The following MYH15 variants were observed in gnomAD, a reference collection of about 807,000 sequenced individuals.
MYH15 encodes the protein myosin-15.
A neutral mutation model predicts 240.5 loss-of-function variants in MYH15; 227 were observed. The ratio of observed to expected loss-of-function variants is 0.94; its 90% confidence interval spans 0.85 to 1.05. MYH15 has a LOEUF of 1.05. Ranked by LOEUF, MYH15 falls within the 50% of genes least tolerant of loss-of-function variation. The probability of loss-of-function intolerance (pLI) is 0.00; values close to 1 mark genes in which losing one functional copy is unlikely to be tolerated. For missense variants in MYH15, 2,217 were observed against 2,247.5 expected (o/e 0.99, Z 0.27); for synonymous variants, 785 against 796.7 (o/e 0.99, Z 0.25).
At chr3:108,436,820 A>T (rs577681384) in intron 25 of MYH15, among the ~76,000 whole-genome samples, 1 of 151,982 alleles carries the variant, frequency 6.6e-6, no homozygotes, top group South Asian at 2.1e-4. Context: ...CTTCATCCTC[A>T]CTGTTTTCTT....
chr3:108,499,485 A>G lies in MYH15; in HGVS notation c.497-3T>C, dbSNP rs768462340. 6.2e-6 allele frequency: 10 copies of G among 1,612,918 alleles called. No individual in the cohort carries two copies. The highest frequency in any genetic ancestry group is 5.0e-5 in the Admixed American group (3 of 59,900). On this transcript the variant is annotated splice_region_variant and splice_polypyrimidine_tract_variant and intron_variant, in intron 4 of 40. Transcript: ENST00000693548. Reference sequence around the variant, plus strand: ...GAGTATAGACTGATTTTCTCGATCTACAAAAGAAAGAAAAATGCCAGAATA... The same window carrying G: ...GAGTATAGACTGATTTTCTCGATCTGCAAAAGAAAGAAAAATGCCAGAATA...
intron 11 of MYH15, among the ~76,000 whole-genome samples, chr3:108,478,184 T>C (rs2083236693): frequency 6.6e-6 from 1 of 152,224 alleles, no homozygotes. Flanking sequence ...CTATCTCGTC[T>C]GTATTAGCAA....
In MYH15 at chr3:108,421,151, C is replaced by T; in HGVS notation, c.3766G>A (p.Asp1256Asn). The change falls in exon 28 of 41, where the codon GAT becomes AAT. Residue 1256 changes from aspartate (D) to asparagine (N), a missense_variant. Transcript: ENST00000693548. The stretch of plus-strand genomic sequence containing the variant: ...TCATTTGCCAACTGAGTCACCTTAT[C>T]TAGCTTTGCAGTTGCTTCATGCAAG... ...ERLHEATAKL[D>N]KVTQLANDLA... 3.1e-6 allele frequency: 5 copies of T among 1,614,144 alleles called. No individual in the cohort carries two copies. The highest frequency in any genetic ancestry group is 4.2e-6 in the Non-Finnish European group (5 of 1,180,006).
intron 14 of MYH15, 23 bp downstream of exon 14, chr3:108,470,019 A>G: frequency 1.3e-6 from 2 of 1,586,904 alleles, no homozygotes; most frequent in African/African-American, 1.4e-5. Context: ...ATGAAAATGG[A>G]CAAAGAGAAA....
chr3:108,400,281 C>A (rs1479546651), intron 33 of MYH15, among the ~76,000 whole-genome samples: 1 of 152,150 alleles, frequency 6.6e-6, no homozygotes, highest in Non-Finnish European at 1.5e-5. Flanking sequence ...AAATAAACTT[C>A]TATTTGTTTT....
chr3:108,510,385 T>C (rs2083512542), intron 1 of MYH15, 58 bp downstream of exon 1: 1 of 1,556,692 alleles, frequency 6.4e-7, no homozygotes, highest in Non-Finnish European at 8.7e-7. Flanking sequence ...TCAAATATCT[T>C]AGTCACCATC....
chr3:108,458,500 A>G (rs2083043166), intron 18 of MYH15, among the ~76,000 whole-genome samples: 1 of 152,202 alleles, frequency 6.6e-6, no homozygotes, highest in Non-Finnish European at 1.5e-5. Context: ...GGAGGTTAAT[A>G]AAAATGCAAG....
At chr3:108,459,276 C>T in intron 18 of MYH15, 86 bp downstream of exon 18, 2 of 841,022 alleles carry the variant, frequency 2.4e-6, no homozygotes, top group Non-Finnish European at 3.6e-6. Context: ...TAAAAGGCAC[C>T]AATAAATATT....
chr3:108,477,823 T>C (rs1030308647), intron 11 of MYH15, among the ~76,000 whole-genome samples: 6 of 152,240 alleles, frequency 3.9e-5, no homozygotes, highest in African/African-American at 1.4e-4. Flanking sequence ...AAGTGGAGAA[T>C]AAGTATTATC....
chr3:108,391,867 T>A lies in MYH15; in HGVS notation c.5323A>T (p.Arg1775Ter). ...GTAATTGTCTGCTCCATATTTTCTC[T>A]TGTCCTTTCCAAGTGGGCAATGGTG... ...QDTIAHLERTRENMEQTITDL... is the reference protein window; with the variant it reads ...QDTIAHLERT Residue 1775 changes from arginine to a stop codon, truncating the protein, a stop_gained, in exon 37 of 41, where the codon AGA becomes TGA. Coordinates refer to ENST00000693548, the MANE Select transcript of MYH15 (RefSeq NM_014981.3). LOFTEE classifies it high-confidence loss of function. 3 of 1,614,162 alleles carry A rather than the reference T, an allele frequency of 1.9e-6. No homozygotes were observed. Among genetic ancestry groups the A allele is most frequent in the Non-Finnish European group, 2.5e-6 (3 of 1,180,008 alleles).
intron 35 of MYH15, 77 bp downstream of exon 35, chr3:108,398,555 ATGGTC>A: frequency 7.3e-7 from 1 of 1,366,598 alleles, no homozygotes; most frequent in Non-Finnish European, 1.0e-6. Flanking sequence ...GCGACTGTGC[ATGGTC>A]CAAGGCCGCC....
chr3:108,451,358 C>G (rs146695072), intron 21 of MYH15, among the ~76,000 whole-genome samples: 1 of 150,822 alleles, frequency 6.6e-6, no homozygotes, highest in South Asian at 2.1e-4. Flanking sequence ...CCAGCCTGGG[C>G]GATAGAGAGA....
intron 33 of MYH15, among the ~76,000 whole-genome samples, chr3:108,402,790 G>A (rs886362941): frequency 6.6e-6 from 1 of 152,172 alleles, no homozygotes; most frequent in African/African-American, 2.4e-5. Context: ...TGAAGATGCA[G>A]GATGCACCTG....
the MYH15 span, among the ~76,000 whole-genome samples, chr3:108,536,470 CA>C: frequency 6.6e-6 from 1 of 152,182 alleles, no homozygotes; most frequent in South Asian, 2.1e-4. Context: ...GTTGGAAAAG[CA>C]AATGCAGAAT....
chr3:108,509,209 T>G (rs900921469), intron 1 of MYH15, among the ~76,000 whole-genome samples: 1 of 152,226 alleles, frequency 6.6e-6, no homozygotes, highest in Non-Finnish European at 1.5e-5. Context: ...TGCATTTCTA[T>G]GAGGAAGGAT....
At chr3:108,544,043 TAC>T in the MYH15 span, among the ~76,000 whole-genome samples, 3 of 152,364 alleles carry the variant, frequency 2.0e-5, no homozygotes, top group Admixed American at 1.3e-4. Flanking sequence ...CTGTATTCTC[TAC>T]AGTTTTCAGA....
intron 27 of MYH15, among the ~76,000 whole-genome samples, chr3:108,427,631 C>CAGAG (rs1478375849): frequency 1.7e-5 from 2 of 115,730 alleles, no homozygotes; most frequent in African/African-American, 6.1e-5. Flanking sequence ...CACACACACA[C>CAGAG]ACACAGAGAG....
intron 11 of MYH15, 56 bp downstream of exon 11, chr3:108,485,034 AG>A: frequency 6.4e-7 from 1 of 1,567,256 alleles, no homozygotes; most frequent in Non-Finnish European, 8.7e-7. Flanking sequence ...GGTAAAGGGG[AG>A]CAGGCTTGGG....
chr3:108,435,845 C>A (rs1404243122), intron 25 of MYH15, among the ~76,000 whole-genome samples: 2 of 151,058 alleles, frequency 1.3e-5, no homozygotes, highest in Non-Finnish European at 2.9e-5. Context: ...TATACACACA[C>A]ACACACACAC....
Sources: gnomAD v4.1 joint callset for allele counts (sites outside exome capture counted in the v4.1 genomes callset) on GRCh38, gnomAD v4.1.1 for gene constraint, MANE v1.5 for transcripts, NCBI Gene and HGNC (gene_info 2026-07-23, HGNC 2026-07-21) for gene names.